The following MDN1 variants were observed in gnomAD, a reference collection of about 807,000 sequenced individuals.
MDN1 encodes the protein midasin.
In MDN1, 266 loss-of-function variants were observed where a neutral mutation model predicts 669.2. The ratio of observed to expected loss-of-function variants is 0.40; its 90% CI spans 0.36 to 0.44. The LOEUF is 0.44. Among genes scored for constraint, MDN1 ranks in the 20% least tolerant of loss-of-function variants. The pLI, the probability that MDN1 is intolerant of heterozygous loss-of-function variation, is 1.00. For missense variants in MDN1, 5,940 were observed against 6,754.0 expected (o/e 0.88, Z 4.22); for synonymous variants, 2,385 against 2,457.1 (o/e 0.97, Z 0.87).
intron 74 of MDN1, among the ~76,000 whole-genome samples, chr6:89,679,575 AAAG>A (rs1195511663): frequency 6.6e-6 from 1 of 152,212 alleles, no homozygotes; most frequent in East Asian, 1.9e-4. Flanking sequence ...GAAGTCCTTA[AAAG>A]AAGAGATCAG....
intron 2 of MDN1, among the ~76,000 whole-genome samples, chr6:89,797,253 C>A (rs140084423): frequency 7.3e-5 from 11 of 151,636 alleles, no homozygotes; most frequent in African/African-American, 2.4e-4. Flanking sequence ...GCCTGTAGTC[C>A]CAGCTACCCA....
Position 89,747,432 on chromosome 6 carries a change from C to T in MDN1, c.3801G>A (p.Gln1267=). Residue 1267 remains glutamine, a synonymous_variant, in exon 27 of 102, where the codon CAG becomes CAA. Coordinates refer to ENST00000369393, the MANE Select transcript of MDN1 (RefSeq NM_014611.3). ...RRSSSVFAGK[Q]GFITLRDLFR... is the part of the protein sequence containing the mutation. ...ACAGATCACGAAGGGTGATGAAGCCCTGCTTTCCAGCAAACACTGAAGAAC... is the reference window on the plus strand; with the variant it reads ...ACAGATCACGAAGGGTGATGAAGCCTTGCTTTCCAGCAAACACTGAAGAAC... The T allele has an allele frequency of 6.2e-7, 1 of 1,613,976 alleles. No homozygotes were observed. Among genetic ancestry groups the T allele is most frequent in the Non-Finnish European group, 8.5e-7 (1 of 1,179,996 alleles).
chr6:89,695,986 C>G lies in MDN1; in HGVS notation c.9390G>C (p.Thr3130=). 3 of 1,605,312 alleles carry G rather than the reference C, an allele frequency of 1.9e-6. No homozygotes were observed. The highest frequency in any genetic ancestry group is 2.6e-6 in the Non-Finnish European group (3 of 1,175,032). ...GCACCTGCCCCTGGAGTTGGGAATC[C>G]GTGCGTCTGTGGGGACAAAAAGAAA... The part of the protein sequence containing the change: ...AISSVAEFRR[T]DSQLQGQVLF... Residue 3130 remains threonine (T), a synonymous_variant, in exon 61 of 102, where the codon ACG becomes ACC. Transcript: ENST00000369393. This position sits in a 1 kb window ranked among gnomAD's most constrained non-coding sequence, Gnocchi z 4.1.
Position 89,736,785 on chromosome 6 carries a change from G to A in MDN1, c.4723+1541C>T, listed in dbSNP as rs955413133. Reference sequence around the variant, plus strand: ...CTCCAGCCTGGGTGACAGAGACCTTGTCTCCCCACAACCCCCCAGAAAAGT... The same window carrying A: ...CTCCAGCCTGGGTGACAGAGACCTTATCTCCCCACAACCCCCCAGAAAAGT... On this transcript the variant is annotated intron_variant, in intron 33 of 101. Transcript: ENST00000369393. 1.1e-4 allele frequency among the ~76,000 whole-genome samples: 16 copies of A among 152,108 alleles called. 1 individual carries two copies. Among genetic ancestry groups the A allele is most frequent in the Non-Finnish European group, 2.1e-4 (14 of 68,004 alleles).
intron 34 of MDN1, 131 bp downstream of exon 34, chr6:89,732,426 G>C: frequency 4.0e-6 from 3 of 749,820 alleles, no homozygotes; most frequent in Non-Finnish European, 6.6e-6. Context: ...CAAAAGGAAA[G>C]CCATTCTGAG....
intron 15 of MDN1, among the ~76,000 whole-genome samples, chr6:89,765,043 T>A (rs550252180): frequency 1.3e-5 from 2 of 151,946 alleles, no homozygotes; most frequent in Non-Finnish European, 2.9e-5. Context: ...GATCACGAGG[T>A]CAGGAGATCG....
intron 69 of MDN1, among the ~76,000 whole-genome samples, chr6:89,686,281 C>T (rs1218108288): frequency 6.6e-6 from 1 of 152,074 alleles, no homozygotes; most frequent in African/African-American, 2.4e-5. Context: ...AAAAATTAGA[C>T]AGGCATGGTG....
intron 34 of MDN1, among the ~76,000 whole-genome samples, chr6:89,732,257 T>A (rs553377213): frequency 1.1e-3 from 146 of 132,868 alleles, no homozygotes; most frequent in African/African-American, 3.6e-3. Flanking sequence ...GAACTTAATT[T>A]AAAAAAAAAA....
At chr6:89,725,133 C>T (rs1338371261) in intron 38 of MDN1, 66 bp downstream of exon 38, 5 of 1,437,136 alleles carry the variant, frequency 3.5e-6, no homozygotes, top group Non-Finnish European at 3.9e-6. Context: ...TCCTTAAAGG[C>T]TTCATAATAG....
chr6:89,803,574 A>C lies in MDN1; in HGVS notation c.103-20T>G. 2.6e-6 allele frequency: 4 copies of C among 1,544,998 alleles called. No individual in the cohort carries two copies. The highest frequency in any genetic ancestry group is 3.5e-6 in the Non-Finnish European group (4 of 1,128,502). On this transcript the variant is annotated intron_variant, in intron 1 of 101. Coordinates refer to ENST00000369393, the MANE Select transcript of MDN1 (RefSeq NM_014611.3). ...CCACACCTGAGAAAGGCAAAACAAA[A>C]CATCTTTCACTTTTTTTTTTTTTTT...
chr6:89,712,012 G>A, intron 49 of MDN1, 24 bp downstream of exon 49: 2 of 1,580,136 alleles, frequency 1.3e-6, no homozygotes, highest in East Asian at 2.2e-5. Flanking sequence ...CACATCAGTG[G>A]ACAAATTAAG....
chr6:89,720,932 C>A (rs1814774850), intron 40 of MDN1, among the ~76,000 whole-genome samples: 1 of 152,226 alleles, frequency 6.6e-6, no homozygotes, highest in South Asian at 2.1e-4. Context: ...CCCAGGAGTA[C>A]AAGACCAGCC....
At chr6:89,667,848 T>TATAA (rs1810371528) in intron 84 of MDN1, among the ~76,000 whole-genome samples, 166 bp downstream of exon 84, 1 of 152,202 alleles carries the variant, frequency 6.6e-6, no homozygotes, top group East Asian at 1.9e-4. Flanking sequence ...CTGTGGATTT[T>TATAA]AGGCTTTTTA....
chr6:89,698,152 T>C (rs565693684), intron 59 of MDN1, among the ~76,000 whole-genome samples: 21 of 152,316 alleles, frequency 1.4e-4, no homozygotes, highest in Non-Finnish European at 2.8e-4. Context: ...CACTGGCTCT[T>C]CACATCTTTA....
intron 2 of MDN1, chr6:89,797,874 G>T (rs1819689221): frequency 5.5e-6 from 1 of 180,470 alleles, no homozygotes. Flanking sequence ...CAAAAGAAGA[G>T]AAGCTAAAGA....
At chr6:89,655,699 T>A (rs1584096756) in intron 92 of MDN1, 65 bp downstream of exon 92, 5 of 1,392,216 alleles carry the variant, frequency 3.6e-6, no homozygotes, top group Non-Finnish European at 4.9e-6. Flanking sequence ...TTATTATAGG[T>A]CACATAGCAC....
Position 89,803,451 on chromosome 6 carries a change from A to G in MDN1, c.206T>C (p.Leu69Pro). The stretch of plus-strand genomic sequence containing the variant: ...GGCATTCCTTTCCAGCAAATCCAAA[A>G]GGAGAGGGCGAAGCTGGCGACCAAC... Reference protein sequence around the residue: ...VLVGRQLRPLLLDLLERNAEA... With the variant: ...VLVGRQLRPLPLDLLERNAEA... The change falls in exon 2 of 102, where the codon CTT becomes CCT. Residue 69 changes from leucine to proline, a missense_variant. Around this residue, in one of 5 missense-constraint regions of MDN1, gnomAD observed 1,203 missense variants for 1,268.9 expected, o/e 0.95. Coordinates refer to ENST00000369393, the MANE Select transcript of MDN1 (RefSeq NM_014611.3). The G allele has an allele frequency of 1.2e-6, 2 of 1,614,184 alleles. No individual in the cohort carries two copies. Among genetic ancestry groups the G allele is most frequent in the Non-Finnish European group, 1.7e-6 (2 of 1,180,036 alleles).
chr6:89,652,881 C>G (rs1289747911), intron 94 of MDN1, 111 bp downstream of exon 94: 37 of 1,170,924 alleles, frequency 3.2e-5, no homozygotes, highest in Non-Finnish European at 4.4e-5. Context: ...AACCCCTCAA[C>G]AACCAGATGT....
At chr6:89,687,938 AC>A in intron 67 of MDN1, 139 bp downstream of exon 67, 1 of 770,880 alleles carries the variant, frequency 1.3e-6, no homozygotes, top group Non-Finnish European at 2.2e-6. Context: ...CAATGATCTC[AC>A]CCCATGCCAG....
Sources: gnomAD v4.1 joint callset for allele counts (sites outside exome capture counted in the v4.1 genomes callset) on GRCh38, gnomAD v4.1.1 for gene constraint, gnomAD v4.1.1 regional missense constraint, Gnocchi (gnomAD v3.1) non-coding constraint, MANE v1.5 for transcripts, NCBI Gene and HGNC (gene_info 2026-07-23, HGNC 2026-07-21) for gene names.